The following DLEC1 variants were observed in gnomAD, a reference collection of about 807,000 sequenced individuals.
DLEC1 encodes the protein deleted in lung and esophageal cancer protein 1.
Under a neutral mutation model 198.1 loss-of-function variants are expected in DLEC1, and 146 were observed. That is an observed-to-expected ratio of 0.74 (90% CI 0.64 to 0.85). The LOEUF (loss-of-function observed/expected upper bound fraction) is 0.85. Among genes scored for constraint, DLEC1 ranks in the 40% least tolerant of loss-of-function variants. The probability of loss-of-function intolerance (pLI) is 0.00; values close to 1 mark genes in which losing one functional copy is unlikely to be tolerated. For missense variants in DLEC1, 2,233 were observed against 2,220.0 expected, an observed-to-expected ratio of 1.01 and a Z score of -0.12; for synonymous variants, 897 against 866.8, an observed-to-expected ratio of 1.03 and a Z score of -0.61.
chr3:38,117,758 G>C (rs1326314631), intron 32 of DLEC1, 48 bp from the exon 33 acceptor site: 1 of 1,515,152 alleles, frequency 6.6e-7, no homozygotes, highest in Non-Finnish European at 9.1e-7. Flanking sequence ...TGGGGTTGAA[G>C]AGAGAGACAA....
chr3:38,101,241 A>G (rs1699290008), intron 19 of DLEC1, among the ~76,000 whole-genome samples: 1 of 152,092 alleles, frequency 6.6e-6, no homozygotes, highest in Non-Finnish European at 1.5e-5. Flanking sequence ...GCAAATCACG[A>G]GGTCAGGAGT....
chr3:38,054,456 G>A (rs141808362), intron 2 of DLEC1, among the ~76,000 whole-genome samples: 1 of 152,342 alleles, frequency 6.6e-6, no homozygotes, highest in East Asian at 1.9e-4. Flanking sequence ...GGTCCTTGGA[G>A]CACAGCAAGC....
Position 38,120,610 on chromosome 3 carries a change from G to A in DLEC1, c.4866+1G>A. ...GGAGTACACCAACCAGACCACTCAG[G>A]CACGCCCCAGGCCCACCTACATGTG... On this transcript the variant is annotated splice_donor_variant, in intron 34 of 36. Transcript: ENST00000308059. LOFTEE classifies it high-confidence loss of function. 1 of 1,612,954 alleles carries A rather than the reference G, an allele frequency of 6.2e-7. No homozygotes were observed.
At chr3:38,086,516 CA>C in intron 9 of DLEC1, 139 bp downstream of exon 9, 2 of 1,171,184 alleles carry the variant, frequency 1.7e-6, no homozygotes, top group South Asian at 3.3e-5. Flanking sequence ...GCAACTGCCA[CA>C]ACCCGAATGA....
chr3:38,119,093 G>A (rs116116079), intron 33 of DLEC1, among the ~76,000 whole-genome samples: 13 of 152,276 alleles, frequency 8.5e-5, no homozygotes, highest in African/African-American at 2.6e-4. Context: ...GAGACACGGC[G>A]GTTAGCCACC....
chr3:38,062,711 C>G lies in DLEC1; in HGVS notation c.1004C>G (p.Pro335Arg). 2 of 1,614,038 alleles carry G rather than the reference C, an allele frequency of 1.2e-6. No homozygotes were observed. Among genetic ancestry groups the G allele is most frequent in the Non-Finnish European group, 1.7e-6 (2 of 1,180,000 alleles). The change falls in exon 5 of 37, where the codon CCT becomes CGT. Residue 335 changes from proline to arginine, a missense_variant. Transcript: ENST00000308059. Reference sequence around the variant, plus strand: ...CTAAAAAATCCCCGTTTTTTTCCTCCTAACACTCGATATGGAGGCAAGTCT... The same window carrying G: ...CTAAAAAATCCCCGTTTTTTTCCTCGTAACACTCGATATGGAGGCAAGTCT... Reference protein sequence around the residue: ...HFLKNPRFFPPNTRYGGKSLV... With the variant: ...HFLKNPRFFPRNTRYGGKSLV...
chr3:38,051,383 T>G (rs1701111104), intron 2 of DLEC1, among the ~76,000 whole-genome samples: 1 of 152,196 alleles, frequency 6.6e-6, no homozygotes, highest in Non-Finnish European at 1.5e-5. Context: ...TGCTGCCTGC[T>G]GCCGTAGCAG....
chr3:38,084,329 A>C, intron 7 of DLEC1, 84 bp downstream of exon 7: 3 of 1,137,054 alleles, frequency 2.6e-6, no homozygotes, highest in East Asian at 2.6e-5. Context: ...TGGTGGTAGT[A>C]ATGGTAGCAA....
At chr3:38,063,396 C>T (rs1378284555) in intron 5 of DLEC1, among the ~76,000 whole-genome samples, 4 of 151,922 alleles carry the variant, frequency 2.6e-5, no homozygotes, top group Admixed American at 6.6e-5. Flanking sequence ...ACAGGGGTGT[C>T]GAGGCTGCAG....
At position 38,122,285 on chromosome 3, in the gene DLEC1, A is replaced by G. The variant is rs747808358; in HGVS notation, c.5145-4A>G. The G allele has an allele frequency of 6.2e-7, 1 of 1,610,584 alleles. No homozygotes were observed. The highest frequency in any genetic ancestry group is 1.1e-5 in the South Asian group (1 of 90,822). Reference sequence around the variant, plus strand: ...TAACCTCAGCCCCCACATGCTCCCCACAGGAGTAGTGAGCTGTACGAGTCC... The same window carrying G: ...TAACCTCAGCCCCCACATGCTCCCCGCAGGAGTAGTGAGCTGTACGAGTCC... On this transcript the variant is annotated splice_region_variant and splice_polypyrimidine_tract_variant and intron_variant, in intron 36 of 36. Transcript: ENST00000308059.
intron 7 of DLEC1, among the ~76,000 whole-genome samples, chr3:38,084,810 A>G (rs1053586982): frequency 1.3e-5 from 2 of 151,748 alleles, no homozygotes; most frequent in African/African-American, 4.9e-5. Flanking sequence ...CCACCCAGGC[A>G]CTGGTCCTGC....
intron 27 of DLEC1, 74 bp downstream of exon 27, chr3:38,115,127 G>A: frequency 1.3e-6 from 2 of 1,565,230 alleles, no homozygotes; most frequent in Non-Finnish European, 1.8e-6. Context: ...TGGGAGGGAA[G>A]GTGGGAGGGA....
chr3:38,100,492 AT>A, intron 19 of DLEC1, 67 bp downstream of exon 19: 1 of 1,448,762 alleles, frequency 6.9e-7, no homozygotes. Context: ...TATCTATATT[AT>A]ATATTTATCT....
At chr3:38,098,140 G>A (rs1699130644) in intron 18 of DLEC1, among the ~76,000 whole-genome samples, 3 of 152,160 alleles carry the variant, frequency 2.0e-5, no homozygotes, top group Admixed American at 1.3e-4. Flanking sequence ...CACTACCATC[G>A]GATTTAGAAA....
At chr3:38,053,159 G>A (rs1196931652) in intron 2 of DLEC1, among the ~76,000 whole-genome samples, 31 of 150,398 alleles carry the variant, frequency 2.1e-4, no homozygotes, top group Admixed American at 6.6e-4. Flanking sequence ...CCTCCCAGCC[G>A]CCTGCCTTGG....
rs958659820 is a variant in DLEC1 at position 38,108,316 on chromosome 3, T to C, written c.3019-89T>C. The C allele has an allele frequency of 2.1e-5, 23 of 1,087,818 alleles. No individual in the cohort carries two copies. In the East Asian group the frequency reaches 5.3e-4, roughly 25 times the overall value. 67.4% of individuals were successfully genotyped at this position (1,087,818 alleles called of 1,614,324 possible). A position where few individuals can be genotyped will look rare whatever the true frequency, so the allele number is the denominator to read the frequency against. On this transcript the variant is annotated intron_variant, in intron 20 of 36. Transcript: ENST00000308059. ...GGCCCCAGTCTGCCAGTCTCCAGCA[T>C]TGCATGCAGCAGTGCTGAGCACTCT...
rs1428409958 is a variant in DLEC1, at chr3:38,117,917, G to A, written c.4597G>A (p.Ala1533Thr). ...SRPFSVSQDGASQDHRAPGPG... is the reference protein window; with the variant it reads ...SRPFSVSQDGTSQDHRAPGPG... ...GCCCTTCTCCGTTTCTCAAGATGGG[G>A]CGAGCCAGGACCACAGAGCTCCTGG... is the stretch of plus-strand genomic sequence containing the variant. Residue 1533 changes from alanine to threonine, a missense_variant, in exon 33 of 37, where the codon GCG becomes ACG. By Grantham distance (58) the Ala-to-Thr change is moderately conservative. Coordinates refer to ENST00000308059, the MANE Select transcript of DLEC1 (RefSeq NM_007335.4). The A allele has an allele frequency of 3.7e-6, 6 of 1,614,002 alleles. No homozygotes were observed. In the African/African-American group the frequency reaches 6.7e-5, roughly 18 times the overall value.
chr3:38,099,384 C>T (rs1699190625), intron 18 of DLEC1, among the ~76,000 whole-genome samples: 1 of 152,234 alleles, frequency 6.6e-6, no homozygotes, highest in Non-Finnish European at 1.5e-5. Flanking sequence ...TGAAGAATAA[C>T]TATGTTTTAT....
chr3:38,112,324 A>G lies in DLEC1; in HGVS notation c.3629A>G (p.Asn1210Ser). Reference protein sequence around the residue: ...QLCIDITGCANMWGEYWDNLI... With the variant: ...QLCIDITGCASMWGEYWDNLI... ...TGCATTGACATCACAGGCTGTGCCA[A>G]CATGTGGGGCGAGTACTGGGACAAC... The change falls in exon 25 of 37, where the codon AAC becomes AGC. Residue 1210 changes from asparagine (N) to serine (S), a missense_variant. Transcript: ENST00000308059. This position sits in a 1 kb window ranked among gnomAD's most constrained non-coding sequence, Gnocchi z 4.8. 2 of 1,614,138 alleles carry G rather than the reference A, an allele frequency of 1.2e-6. No individual in the cohort carries two copies. The highest frequency in any genetic ancestry group is 1.7e-6 in the Non-Finnish European group (2 of 1,180,002).
Sources: gnomAD v4.1 joint callset for allele counts (sites outside exome capture counted in the v4.1 genomes callset) on GRCh38, gnomAD v4.1.1 for gene constraint, Gnocchi (gnomAD v3.1) non-coding constraint, MANE v1.5 for transcripts, NCBI Gene and HGNC (gene_info 2026-07-23, HGNC 2026-07-21) for gene names.